The following IZUMO1 variants were observed in gnomAD, a reference collection of about 807,000 sequenced individuals.
The protein encoded by IZUMO1 is izumo sperm-egg fusion protein 1.
Under a neutral mutation model 40.7 loss-of-function variants are expected in IZUMO1, and 44 were observed. That is an observed-to-expected ratio of 1.08 (90% CI 0.85 to 1.39). The LOEUF (loss-of-function observed/expected upper bound fraction) is 1.39. IZUMO1 is among the 40% of genes most tolerant of loss of function. The pLI is 0.00. For synonymous variants in IZUMO1, 149 were observed against 170.9 expected (o/e 0.87, Z 1.00); for missense variants, 368 against 436.9 (o/e 0.84, Z 1.41).
Position 48,741,631 on chromosome 19 carries a change from G to T in IZUMO1, c.755-153C>A. 1 of 1,238,308 alleles carries T rather than the reference G, an allele frequency of 8.1e-7. No individual in the cohort carries two copies. Among genetic ancestry groups the T allele is most frequent in the South Asian group, 1.5e-5 (1 of 65,112 alleles). The allele number at this position is 1,238,308 out of a possible 1,614,324, so 76.7% of individuals were successfully genotyped here. ...CACCCAAGGGAACCCCTGTCCTCGG[G>T]GCCAGAGGCCACGCCCCCGGCAGGA... is the stretch of plus-strand genomic sequence containing the variant. On this transcript the variant is annotated intron_variant, in intron 8 of 9. Transcript: ENST00000332955. This position sits in a 1 kb window ranked among gnomAD's most constrained non-coding sequence, Gnocchi z 4.4.
intron 6 of IZUMO1, 138 bp downstream of exon 6, chr19:48,743,307 G>A: frequency 2.7e-6 from 2 of 747,260 alleles, no homozygotes; most frequent in Non-Finnish European, 4.5e-6. Context: ...CTATAGGTGT[G>A]AACCACTGCA....
rs1408689202 is a variant in IZUMO1 at position 48,740,937 on chromosome 19, C to G, written c.1024G>C (p.Glu342Gln). 3 of 1,614,044 alleles carry G rather than the reference C, an allele frequency of 1.9e-6. No individual in the cohort carries two copies. In the African/African-American group the frequency reaches 4.0e-5, roughly 22 times the overall value. ...TGTTGCCTCGAATCTGTGGCCTTTT[C>G]TTTTGGGACCTGGGTTTGCTCGGCC... The part of the protein sequence containing the change: ...GAAEQTQVPK[E>Q]KATDSRQQ Residue 342 changes from glutamate to glutamine, a missense_variant, in exon 10 of 10, where the codon GAA becomes CAA. Physicochemically the swap from Glu to Gln is conservative, Grantham distance 29 (BLOSUM62 2). Coordinates refer to ENST00000332955, the MANE Select transcript of IZUMO1 (RefSeq NM_182575.3). The surrounding 1 kb of genome is among the most constrained non-coding windows in gnomAD (Gnocchi z 5.5).
Position 48,741,143 on chromosome 19 carries a change from G to A in IZUMO1, c.933-115C>T. The A allele has an allele frequency of 6.6e-7, 1 of 1,504,358 alleles. No homozygotes were observed. The highest frequency in any genetic ancestry group is 9.0e-7 in the Non-Finnish European group (1 of 1,108,450). 93.2% of individuals were successfully genotyped at this position (1,504,358 alleles called of 1,614,324 possible). ...TTATTCTAGCAATTACCTAAGCCTC[G>A]CCCTTCGAAGTCCTCCTATTCAAGC... On this transcript the variant is annotated intron_variant, in intron 9 of 9. Coordinates refer to ENST00000332955, the MANE Select transcript of IZUMO1 (RefSeq NM_182575.3). This position sits in a 1 kb window ranked among gnomAD's most constrained non-coding sequence, Gnocchi z 4.4.
In IZUMO1 at chr19:48,742,341, T is replaced by C. The variant is rs763802395; in HGVS notation, c.500-32A>G. On this transcript the variant is annotated intron_variant, in intron 6 of 9. Coordinates refer to ENST00000332955, the MANE Select transcript of IZUMO1 (RefSeq NM_182575.3). ...GTGGGGGATGACCATGGGACACTCA[T>C]GATTCTGTTTTTGTTTTTGTTTTTG... is the stretch of plus-strand genomic sequence containing the variant. 3 of 1,494,582 alleles carry C rather than the reference T, an allele frequency of 2.0e-6. No individual in the cohort carries two copies. The African/African-American group carries it at 4.1e-5, about 21-fold the overall frequency. 92.6% of individuals were successfully genotyped at this position (1,494,582 alleles called of 1,614,324 possible).
chr19:48,741,551 C>T lies in IZUMO1; in HGVS notation c.755-73G>A, dbSNP rs78811131. On this transcript the variant is annotated intron_variant, in intron 8 of 9. Coordinates refer to ENST00000332955, the MANE Select transcript of IZUMO1 (RefSeq NM_182575.3). This position sits in a 1 kb window ranked among gnomAD's most constrained non-coding sequence, Gnocchi z 4.4. ...TGCCCTGGCAAAGACAAGCCCGTCC[C>T]AGTAGCCGGCCATCCCAGAGATAAT... The T allele has an allele frequency of 4.7e-6, 7 of 1,480,256 alleles. No individual in the cohort carries two copies. The highest frequency in any genetic ancestry group is 6.5e-6 in the Non-Finnish European group (7 of 1,082,922). The allele number at this position is 1,480,256 out of a possible 1,614,324, so 91.7% of individuals were successfully genotyped here. A position where few individuals can be genotyped will look rare whatever the true frequency, so the allele number is the denominator to read the frequency against.
chr19:48,743,625 C>T, intron 5 of IZUMO1, 100 bp from the exon 6 acceptor site: 1 of 899,384 alleles, frequency 1.1e-6, no homozygotes, highest in Admixed American at 1.9e-5. Context: ...TATGACATTC[C>T]TAGATGGTCA....
intron 2 of IZUMO1, 92 bp from the exon 3 acceptor site, chr19:48,745,380 C>T: frequency 8.1e-7 from 1 of 1,235,218 alleles, no homozygotes; most frequent in East Asian, 2.3e-5. Context: ...GGCCACTGGG[C>T]AAAGATAGGC....
In IZUMO1 at chr19:48,746,894, C is replaced by T. The variant is rs2033900004; in HGVS notation, c.-533G>A. ...AGCTTCTCACGTAGGGGCCCGAATT[C>T]CTTTATAGATATTCCTTGGGGTTTT... On this transcript the variant is annotated 5_prime_UTR_variant, in exon 1 of 10. Coordinates refer to ENST00000332955, the MANE Select transcript of IZUMO1 (RefSeq NM_182575.3). 1 of 985,312 alleles carries T rather than the reference C, an allele frequency of 1.0e-6. No homozygotes were observed. 61.0% of individuals were successfully genotyped at this position (985,312 alleles called of 1,614,324 possible). A position where few individuals can be genotyped will look rare whatever the true frequency, so the allele number is the denominator to read the frequency against.
At chr19:48,742,712 T>C (rs2033749181) in intron 6 of IZUMO1, among the ~76,000 whole-genome samples, 2 of 145,918 alleles carry the variant, frequency 1.4e-5, no homozygotes, top group African/African-American at 5.1e-5. Context: ...TTTTCTCTTT[T>C]CTTTCTCTCT....
intron 5 of IZUMO1, 60 bp from the exon 6 acceptor site, chr19:48,743,585 G>T: frequency 7.4e-7 from 1 of 1,350,272 alleles, no homozygotes; most frequent in Non-Finnish European, 1.1e-6. Context: ...AAAAGGAGAG[G>T]TCAGGGCTAA....
Position 48,741,959 on chromosome 19 carries a change from G to A in IZUMO1, c.601-17C>T, listed in dbSNP as rs1407395504. On this transcript the variant is annotated splice_polypyrimidine_tract_variant and intron_variant, in intron 7 of 9. Coordinates refer to ENST00000332955, the MANE Select transcript of IZUMO1 (RefSeq NM_182575.3). This position sits in a 1 kb window ranked among gnomAD's most constrained non-coding sequence, Gnocchi z 4.4. ...CCCCCAAACCTAGACCCAAGCTCAA[G>A]GGGTCACTGAGGCCTGAGGAATTCA... The A allele has an allele frequency of 1.3e-6, 2 of 1,579,344 alleles. No homozygotes were observed. Among genetic ancestry groups the A allele is most frequent in the African/African-American group, 2.7e-5 (2 of 73,862 alleles).
At chr19:48,744,277 TG>T in intron 4 of IZUMO1, 82 bp from the exon 5 acceptor site, 2 of 1,430,932 alleles carry the variant, frequency 1.4e-6, no homozygotes, top group South Asian at 1.1e-5. Flanking sequence ...AAGAGGGGGT[TG>T]GGGGAAGAGC....
In IZUMO1 at chr19:48,741,689, C is replaced by A; in HGVS notation, c.754+100G>T. On this transcript the variant is annotated intron_variant, in intron 8 of 9. Coordinates refer to ENST00000332955, the MANE Select transcript of IZUMO1 (RefSeq NM_182575.3). The surrounding 1 kb of genome is among the most constrained non-coding windows in gnomAD (Gnocchi z 4.4). Reference sequence around the variant, plus strand: ...CCCCGTGCCCCGAAACCACACCCAACAGGAAGTCACGCCCCCATCGCCAAG... The same window carrying A: ...CCCCGTGCCCCGAAACCACACCCAAAAGGAAGTCACGCCCCCATCGCCAAG... 7.1e-7 allele frequency: 1 copy of A among 1,415,034 alleles called. No homozygotes were observed. The highest frequency in any genetic ancestry group is 9.4e-7 in the Non-Finnish European group (1 of 1,060,628). 87.7% of individuals were successfully genotyped at this position (1,415,034 alleles called of 1,614,324 possible).
chr19:48,746,734 T>C lies in IZUMO1; in HGVS notation c.-373A>G, dbSNP rs2033896296. 5.1e-6 allele frequency: 5 copies of C among 985,236 alleles called. No homozygotes were observed. Among genetic ancestry groups the C allele is most frequent in the African/African-American group, 1.7e-5 (1 of 57,178 alleles). The allele number at this position is 985,236 out of a possible 1,614,324, so 61.0% of individuals were successfully genotyped here. The stretch of plus-strand genomic sequence containing the variant: ...CGGGGTCATGACCACCTACGCTAAT[T>C]TTCCCAGGGGTAAAATCAAGGATTG... On this transcript the variant is annotated 5_prime_UTR_variant, in exon 1 of 10. Coordinates refer to ENST00000332955, the MANE Select transcript of IZUMO1 (RefSeq NM_182575.3).
intron 3 of IZUMO1, 62 bp downstream of exon 3, chr19:48,745,152 A>G (rs1030805580): frequency 5.2e-6 from 7 of 1,354,410 alleles, no homozygotes; most frequent in South Asian, 1.2e-5. Flanking sequence ...CCAAGAGACC[A>G]GGCATCACTA....
intron 6 of IZUMO1, among the ~76,000 whole-genome samples, chr19:48,742,703 T>A (rs2033748194): frequency 6.7e-6 from 1 of 150,116 alleles, no homozygotes; most frequent in East Asian, 2.0e-4. Flanking sequence ...AACCTCGTCT[T>A]TTCTCTTTTC....
Position 48,745,299 on chromosome 19 carries a change from A to G in IZUMO1, c.236-11T>C. 1 of 1,611,822 alleles carries G rather than the reference A, an allele frequency of 6.2e-7. No individual in the cohort carries two copies. The highest frequency in any genetic ancestry group is 8.5e-7 in the Non-Finnish European group (1 of 1,177,976). On this transcript the variant is annotated splice_polypyrimidine_tract_variant and intron_variant, in intron 2 of 9. Coordinates refer to ENST00000332955, the MANE Select transcript of IZUMO1 (RefSeq NM_182575.3). ...GCAGTGTGGCCTCATCTGTCAGAGG[A>G]GATATAACCCCAGATTCCAGCCTTA...
In IZUMO1 at chr19:48,745,830, C is replaced by T. The variant is rs200076575; in HGVS notation, c.30G>A (p.Ala10=). The change falls in exon 2 of 10, where the codon GCG becomes GCA. Residue 10 remains alanine, a synonymous_variant. Transcript: ENST00000332955. MGPHFTLLC[A]ALAGCLLPAE... is the part of the protein sequence containing the mutation. Reference sequence around the variant, plus strand: ...CAGGAAGCAAGCAACCGGCCAGCGCCGCACACAGGAGGGTAAAATGCGGCC... The same window carrying T: ...CAGGAAGCAAGCAACCGGCCAGCGCTGCACACAGGAGGGTAAAATGCGGCC... 2 of 1,614,218 alleles carry T rather than the reference C, an allele frequency of 1.2e-6. No homozygotes were observed. Among genetic ancestry groups the T allele is most frequent in the East Asian group, 2.2e-5 (1 of 44,884 alleles).
chr19:48,742,754 G>A (rs556793367), intron 6 of IZUMO1, among the ~76,000 whole-genome samples: 156 of 102,584 alleles, frequency 1.5e-3, no homozygotes, highest in African/African-American at 5.8e-3. Flanking sequence ...TTTAGATGAA[G>A]TCTCACTCTG....
Sources: gnomAD v4.1 joint callset for allele counts (sites outside exome capture counted in the v4.1 genomes callset) on GRCh38, gnomAD v4.1.1 for gene constraint, Gnocchi (gnomAD v3.1) non-coding constraint, MANE v1.5 for transcripts, NCBI Gene and HGNC (gene_info 2026-07-23, HGNC 2026-07-21) for gene names.